LRRC27: variants seen among roughly 807,000 people sequenced by gnomAD.
LRRC27 encodes leucine-rich repeat-containing protein 27.
A neutral mutation model predicts 55.0 loss-of-function variants in LRRC27; 57 were observed. That is an observed-to-expected ratio of 1.04 (90% CI 0.84 to 1.29). The LOEUF (loss-of-function observed/expected upper bound fraction) is 1.29, where lower values mean the gene tolerates loss of function less well. Ranked by LOEUF, LRRC27 falls within the 50% of genes most tolerant of loss-of-function variation. LRRC27 has a pLI of 0.00. For missense variants in LRRC27, 721 were observed against 651.5 expected (o/e 1.11, Z -1.16); for synonymous variants, 278 against 251.9 (o/e 1.10, Z -0.98).
intron 3 of LRRC27, among the ~76,000 whole-genome samples, chr10:132,340,267 A>T (rs1262914295): frequency 6.6e-6 from 1 of 152,250 alleles, no homozygotes; most frequent in Non-Finnish European, 1.5e-5. Context: ...TTTATCGTTT[A>T]AAGTGTGCTC....
rs552504940 is a variant in LRRC27 at position 132,342,260 on chromosome 10, C to T, written c.389C>T (p.Pro130Leu). The T allele has an allele frequency of 5.3e-4, 813 of 1,546,018 alleles. 10 individuals carry two copies. In the South Asian group the frequency reaches 9.1e-3, roughly 17 times the overall value. The change falls in exon 4 of 11, where the codon CCT (proline) becomes CTT (leucine). Residue 130 changes from proline to leucine, a missense_variant. Pro to Leu is a moderately conservative substitution (Grantham distance 98). Coordinates refer to ENST00000368614, the MANE Select transcript of LRRC27 (RefSeq NM_030626.3). ...LLERNPIKMLPVELGSVTTLK... is the reference protein window; with the variant it reads ...LLERNPIKMLLVELGSVTTLK... ...GAAAGAAATCCTATCAAAATGTTAC[C>T]TGTGGAGCTGGGTAAGTATAAAATA...
rs2069407337 is a variant in LRRC27 at position 132,381,275 on chromosome 10, C to T, written c.*6033C>T. ...CTTCCTGCCCTTGAACATCAGACTC[C>T]AAGTTCTTTAGCTTTTGGACTCTTG... is the stretch of plus-strand genomic sequence containing the variant. On this transcript the variant is annotated 3_prime_UTR_variant, in exon 11 of 11. Coordinates refer to ENST00000368614, the MANE Select transcript of LRRC27 (RefSeq NM_030626.3). Among the ~76,000 whole-genome samples, 1 of 152,032 alleles carries T rather than the reference C, an allele frequency of 6.6e-6. No homozygotes were observed. The highest frequency in any genetic ancestry group is 2.4e-5 in the African/African-American group (1 of 41,374).
chr10:132,374,963 G>A lies in LRRC27; in HGVS notation c.1417-103G>A, dbSNP rs1008671357. ...GGGCAGCGGGGCTGGCTCTGCTGAC[G>A]CCCACATGGCCTGGGCCCCACGTGG... On this transcript the variant is annotated intron_variant, in intron 10 of 10. Coordinates refer to ENST00000368614, the MANE Select transcript of LRRC27 (RefSeq NM_030626.3). This position sits in a 1 kb window ranked among gnomAD's most constrained non-coding sequence, Gnocchi z 4.4. 1.0e-5 allele frequency: 13 copies of A among 1,273,066 alleles called. No individual in the cohort carries two copies. Among genetic ancestry groups the A allele is most frequent in the Non-Finnish European group, 1.2e-5 (11 of 919,996 alleles). The allele number at this position is 1,273,066 out of a possible 1,614,324, so 78.9% of individuals were successfully genotyped here.
At chr10:132,340,269 A>G (rs1490405045) in intron 3 of LRRC27, among the ~76,000 whole-genome samples, 2 of 152,234 alleles carry the variant, frequency 1.3e-5, no homozygotes, top group African/African-American at 4.8e-5. Flanking sequence ...TATCGTTTAA[A>G]GTGTGCTCAG....
intron 9 of LRRC27, among the ~76,000 whole-genome samples, chr10:132,364,156 C>G (rs146377270): frequency 0.011 from 1,597 of 152,018 alleles, 32 homozygotes; most frequent in South Asian, 0.042. Context: ...CTGTAGAACT[C>G]CAGAGGACAT....
chr10:132,333,418 A>C, intron 1 of LRRC27, 59 bp from the exon 2 acceptor site: 23 of 663,558 alleles, frequency 3.5e-5, no homozygotes, highest in Non-Finnish European at 5.2e-5. Context: ...CCACACAGCT[A>C]TTCTGTTTTG....
At position 132,344,598 on chromosome 10, in the gene LRRC27, C is replaced by G. The variant is rs1334264337; in HGVS notation, c.501C>G (p.Phe167Leu). 1 of 1,614,080 alleles carries G rather than the reference C, an allele frequency of 6.2e-7. No homozygotes were observed. The highest frequency in any genetic ancestry group is 8.5e-7 in the Non-Finnish European group (1 of 1,180,032). ...AGGGATTGGTGGCTATCCAGCGCTT[C>G]CTGCGGATGTGGGCAGTAGAACACT... ...VQKGLVAIQR[F>L]LRMWAVEHSL... Residue 167 changes from phenylalanine (F) to leucine (L), a missense_variant, in exon 5 of 11, where the codon TTC becomes TTG. Physicochemically the swap from Phe to Leu is conservative, Grantham distance 22 (BLOSUM62 0). Transcript: ENST00000368614.
In LRRC27 at chr10:132,356,019, C is replaced by A. The variant is rs2068294770; in HGVS notation, c.1170+133C>A. ...GTGGGTGCTCACACGCATCCCTGTCCATGGAGGATGAGCTGAGACTTGGGG... is the reference window on the plus strand; with the variant it reads ...GTGGGTGCTCACACGCATCCCTGTCAATGGAGGATGAGCTGAGACTTGGGG... On this transcript the variant is annotated intron_variant, in intron 8 of 10. Coordinates refer to ENST00000368614, the MANE Select transcript of LRRC27 (RefSeq NM_030626.3). 6 of 642,324 alleles carry A rather than the reference C, an allele frequency of 9.3e-6. 1 individual carries two copies. Among genetic ancestry groups the A allele is most frequent in the Non-Finnish European group, 1.7e-5 (6 of 357,394 alleles). The allele number at this position is 642,324 out of a possible 1,614,324, so 39.8% of individuals were successfully genotyped here. A position where few individuals can be genotyped will look rare whatever the true frequency, so the allele number is the denominator to read the frequency against.
chr10:132,379,358 G>T lies in LRRC27; in HGVS notation c.*4116G>T, dbSNP rs1424254568. The T allele has an allele frequency of 6.7e-6, 1 of 148,242 alleles. No individual in the cohort carries two copies. Among genetic ancestry groups the T allele is most frequent in the Admixed American group, 6.8e-5 (1 of 14,676 alleles). 9.2% of individuals were successfully genotyped at this position (148,242 alleles called of 1,614,324 possible). On this transcript the variant is annotated 3_prime_UTR_variant, in exon 11 of 11. Coordinates refer to ENST00000368614, the MANE Select transcript of LRRC27 (RefSeq NM_030626.3). The stretch of plus-strand genomic sequence containing the variant: ...TTCCTCTCACCTCCGTGTTCTCGGG[G>T]AGTGCGTGGTGTCAGATCCCATCCT...
In LRRC27 at chr10:132,335,987, A is replaced by C. The variant is rs146601195; in HGVS notation, c.211-1578A>C. ...GGCTATCCAAGTAGGGGCCTAGTACATCCTGTTTTTCTGTAGTTTGCTGAC... is the reference window on the plus strand; with the variant it reads ...GGCTATCCAAGTAGGGGCCTAGTACCTCCTGTTTTTCTGTAGTTTGCTGAC... On this transcript the variant is annotated intron_variant, in intron 2 of 10. Coordinates refer to ENST00000368614, the MANE Select transcript of LRRC27 (RefSeq NM_030626.3). 6.5e-4 allele frequency among the ~76,000 whole-genome samples: 99 copies of C among 152,288 alleles called. No individual in the cohort carries two copies. The East Asian group carries it at 0.018, about 28-fold the overall frequency.
In LRRC27 at chr10:132,365,436, G is replaced by C. The variant is rs1451956803; in HGVS notation, c.1302G>C (p.Glu434Asp). 3 of 1,613,668 alleles carry C rather than the reference G, an allele frequency of 1.9e-6. No individual in the cohort carries two copies. The highest frequency in any genetic ancestry group is 1.7e-5 in the Admixed American group (1 of 60,022). The stretch of plus-strand genomic sequence containing the variant: ...CTTTGTTTCTCAGTGCCCTGCAGGA[G>C]AGAAATTTAGAAGAGAAGATAAAAC... ...QASKEMSALQ[E>D]RNLEEKIKQH... Residue 434 changes from glutamate to aspartate, a missense_variant, in exon 10 of 11, where the codon GAG (glutamate) becomes GAC (aspartate). Glu to Asp is a conservative substitution (Grantham distance 45, BLOSUM62 2). Transcript: ENST00000368614.
chr10:132,362,342 A>G (rs1013347538), intron 9 of LRRC27, among the ~76,000 whole-genome samples: 3 of 152,252 alleles, frequency 2.0e-5, no homozygotes, highest in Middle Eastern at 3.4e-3. Flanking sequence ...CCTGGGACCA[A>G]CGTGAGGGGA....
chr10:132,337,234 C>G, intron 2 of LRRC27: 2 of 1,177,186 alleles, frequency 1.7e-6, no homozygotes, highest in Non-Finnish European at 2.1e-6. Flanking sequence ...GAGAAACGGC[C>G]GAGACACTGA....
At chr10:132,343,577 T>G (rs2067525118) in intron 4 of LRRC27, among the ~76,000 whole-genome samples, 1 of 152,200 alleles carries the variant, frequency 6.6e-6, no homozygotes, top group Non-Finnish European at 1.5e-5. Context: ...CGAATTTCAT[T>G]TAGATAGGTA....
At chr10:132,342,361 A>C in intron 4 of LRRC27, 90 bp downstream of exon 4, 1 of 819,738 alleles carries the variant, frequency 1.2e-6, no homozygotes. Context: ...ATGACAAAGG[A>C]GGGTAAGCTA....
At position 132,348,463 on chromosome 10, in the gene LRRC27, G is replaced by A. The variant is rs549434255; in HGVS notation, c.926+107G>A. ...GTCCAGCTTTTAAAGTGTCCTCCAC[G>A]TTGCCACCGTTTACTGTGCAGTGAG... is the stretch of plus-strand genomic sequence containing the variant. On this transcript the variant is annotated intron_variant, in intron 6 of 10. Transcript: ENST00000368614. This position sits in a 1 kb window ranked among gnomAD's most constrained non-coding sequence, Gnocchi z 4.2. 1.3e-5 allele frequency: 19 copies of A among 1,447,516 alleles called. No individual in the cohort carries two copies. Among genetic ancestry groups the A allele is most frequent in the Admixed American group, 2.1e-5 (1 of 47,844 alleles). 89.7% of individuals were successfully genotyped at this position (1,447,516 alleles called of 1,614,324 possible). A position where few individuals can be genotyped will look rare whatever the true frequency, so the allele number is the denominator to read the frequency against.
rs1440545706 is a variant in LRRC27, at chr10:132,376,863, G to A, written c.*1621G>A. ...GCCTGGTTTCTCAGTTACTGAGAGAGGCCTGTGAACAGTTCTAGCTATGAT... is the reference window on the plus strand; with the variant it reads ...GCCTGGTTTCTCAGTTACTGAGAGAAGCCTGTGAACAGTTCTAGCTATGAT... On this transcript the variant is annotated 3_prime_UTR_variant, in exon 11 of 11. Coordinates refer to ENST00000368614, the MANE Select transcript of LRRC27 (RefSeq NM_030626.3). 3.9e-5 allele frequency: 6 copies of A among 152,250 alleles called. No individual in the cohort carries two copies. The highest frequency in any genetic ancestry group is 1.3e-4 in the Admixed American group (2 of 15,278). 9.4% of individuals were successfully genotyped at this position (152,250 alleles called of 1,614,324 possible).
chr10:132,330,872 T>C (rs1206747702), upstream of LRRC27, among the ~76,000 whole-genome samples: 7 of 151,674 alleles, frequency 4.6e-5, no homozygotes, highest in Non-Finnish European at 1.0e-4. Flanking sequence ...TCAAAGTGGA[T>C]AGTCGTTTCT....
intron 8 of LRRC27, 78 bp downstream of exon 8, chr10:132,355,964 T>C: frequency 9.9e-7 from 1 of 1,009,260 alleles, no homozygotes; most frequent in Non-Finnish European, 1.5e-6. Context: ...TCCCTGTCCA[T>C]GGAGGATGAG....
Sources: gnomAD v4.1 joint callset for allele counts (sites outside exome capture counted in the v4.1 genomes callset) on GRCh38, gnomAD v4.1.1 for gene constraint, Gnocchi (gnomAD v3.1) non-coding constraint, MANE v1.5 for transcripts, NCBI Gene and HGNC (gene_info 2026-07-23, HGNC 2026-07-21) for gene names.